The following HSF5 variants were observed in gnomAD, a reference collection of about 807,000 sequenced individuals.
HSF5 encodes the protein heat shock factor protein 5.
In HSF5, 5 loss-of-function variants were observed where a neutral mutation model predicts 50.8. That is an observed-to-expected ratio of 0.10 (90% CI 0.05 to 0.21). HSF5 has a LOEUF of 0.21. Ranked by LOEUF, HSF5 falls within the 10% of genes least tolerant of loss-of-function variation. The pLI, the probability that HSF5 is intolerant of heterozygous loss-of-function variation, is 1.00. For synonymous variants in HSF5, 307 were observed against 307.4 expected, an observed-to-expected ratio of 1.00 and a Z score of 0.02; for missense variants, 564 against 762.6, an observed-to-expected ratio of 0.74 and a Z score of 3.07.
At chr17:58,474,564 T>A (rs1258631981) in intron 2 of HSF5, among the ~76,000 whole-genome samples, 3 of 152,188 alleles carry the variant, frequency 2.0e-5, no homozygotes, top group African/African-American at 7.2e-5. Flanking sequence ...CAATTTATAA[T>A]TTACATCAAG....
chr17:58,436,178 G>A (rs1006362355), intron 5 of HSF5, among the ~76,000 whole-genome samples: 1 of 152,042 alleles, frequency 6.6e-6, no homozygotes, highest in Non-Finnish European at 1.5e-5. Flanking sequence ...TGTTTTTAAT[G>A]AGCAGTATAT....
Position 58,488,053 on chromosome 17 carries a change from G to A in HSF5, c.222C>T (p.Thr74=), listed in dbSNP as rs752111225. The A allele has an allele frequency of 2.2e-5, 36 of 1,600,778 alleles. No homozygotes were observed. Among genetic ancestry groups the A allele is most frequent in the Non-Finnish European group, 3.1e-5 (36 of 1,176,346 alleles). Residue 74 remains threonine (T), a synonymous_variant, in exon 1 of 6, where the codon ACC becomes ACT. Transcript: ENST00000323777. This position sits in a 1 kb window ranked among gnomAD's most constrained non-coding sequence, Gnocchi z 4.1. ...GGCGGATGAAGCTGGTGAAGCTGGT[G>A]GTTTTGAAGAGCTCGGGCTCGGCCC... is the stretch of plus-strand genomic sequence containing the variant. ...GAGAEPELFK[T]TSFTSFIRQL... is the part of the protein sequence containing the mutation.
intron 5 of HSF5, among the ~76,000 whole-genome samples, chr17:58,457,941 AG>A (rs1200238390): frequency 6.6e-6 from 1 of 152,246 alleles, no homozygotes; most frequent in African/African-American, 2.4e-5. Context: ...TATGAGTCTG[AG>A]CTACACCATG....
intron 5 of HSF5, among the ~76,000 whole-genome samples, chr17:58,449,806 G>A (rs1236736134): frequency 1.0e-4 from 15 of 149,794 alleles, no homozygotes; most frequent in South Asian, 2.1e-4. Flanking sequence ...GGCGGATCAC[G>A]AGGTCAGGAG....
chr17:58,450,953 G>A (rs998572060), intron 5 of HSF5, among the ~76,000 whole-genome samples: 2 of 151,718 alleles, frequency 1.3e-5, no homozygotes, highest in African/African-American at 4.8e-5. Context: ...GCCGGGCATG[G>A]TGGTGGGCGC....
At chr17:58,466,338 A>AATGATC (rs1458121819) in intron 3 of HSF5, among the ~76,000 whole-genome samples, 2 of 152,198 alleles carry the variant, frequency 1.3e-5, no homozygotes, top group Non-Finnish European at 2.9e-5. Context: ...ATCTTGGAAG[A>AATGATC]ATCTGTCATT....
At chr17:58,473,002 C>A (rs1974969658) in intron 2 of HSF5, among the ~76,000 whole-genome samples, 1 of 152,058 alleles carries the variant, frequency 6.6e-6, no homozygotes, top group South Asian at 2.1e-4. Flanking sequence ...CTCAAAAAAA[C>A]AAAGCAAAAA....
At chr17:58,439,813 T>A (rs1009404526) in intron 5 of HSF5, among the ~76,000 whole-genome samples, 2 of 152,162 alleles carry the variant, frequency 1.3e-5, no homozygotes, top group Admixed American at 1.3e-4. Flanking sequence ...GCCAAATTTT[T>A]AAAATTAAAC....
At chr17:58,451,186 ATAAT>A in intron 5 of HSF5, among the ~76,000 whole-genome samples, 1 of 152,350 alleles carries the variant, frequency 6.6e-6, no homozygotes, top group Non-Finnish European at 1.5e-5. Context: ...ACCTAAATAT[ATAAT>A]GCAAATATTA....
intron 5 of HSF5, among the ~76,000 whole-genome samples, chr17:58,441,504 T>A (rs1974497328): frequency 6.6e-6 from 1 of 151,618 alleles, no homozygotes; most frequent in South Asian, 2.1e-4. Context: ...AGAAAGGAAA[T>A]AATATAGATA....
At chr17:58,478,605 T>C (rs1975055793) in intron 2 of HSF5, among the ~76,000 whole-genome samples, 1 of 151,202 alleles carries the variant, frequency 6.6e-6, no homozygotes. Context: ...CTCACTCCCG[T>C]AATCCCAGCA....
chr17:58,426,832 G>C (rs1974301120), intron 5 of HSF5, among the ~76,000 whole-genome samples: 1 of 152,094 alleles, frequency 6.6e-6, no homozygotes, highest in South Asian at 2.1e-4. Flanking sequence ...CCTTAAGTCA[G>C]CATGTACTCA....
chr17:58,475,377 T>C lies in HSF5; in HGVS notation c.925+4516A>G, dbSNP rs1190825924. Among the ~76,000 whole-genome samples, 7 of 152,006 alleles carry C rather than the reference T, an allele frequency of 4.6e-5. No individual in the cohort carries two copies. In the East Asian group the frequency reaches 1.3e-3, roughly 29 times the overall value. Reference sequence around the variant, plus strand: ...ACTGAGCATCATCTTTCCTTTCCAGTGAAACAAAAAGAAAATTTAAAAATA... The same window carrying C: ...ACTGAGCATCATCTTTCCTTTCCAGCGAAACAAAAAGAAAATTTAAAAATA... On this transcript the variant is annotated intron_variant, in intron 2 of 5. Transcript: ENST00000323777.
chr17:58,455,974 C>T (rs1974705814), intron 5 of HSF5, among the ~76,000 whole-genome samples: 1 of 152,158 alleles, frequency 6.6e-6, no homozygotes, highest in Non-Finnish European at 1.5e-5. Context: ...AGCAGTCCCA[C>T]TACTGGATGT....
intron 1 of HSF5, among the ~76,000 whole-genome samples, chr17:58,484,205 G>GAA (rs555852057): frequency 1.7e-5 from 2 of 118,228 alleles, no homozygotes; most frequent in Non-Finnish European, 1.8e-5. Flanking sequence ...GAATGGTAAG[G>GAA]AAAAAAAAAA....
chr17:58,480,378 A>C (rs1975080396), intron 1 of HSF5, 111 bp from the exon 2 acceptor site: 4 of 1,029,802 alleles, frequency 3.9e-6, no homozygotes, highest in African/African-American at 2.0e-5. Context: ...TTTTTAACAC[A>C]ACAGAAGTTT....
At chr17:58,452,133 T>C (rs768628773) in intron 5 of HSF5, among the ~76,000 whole-genome samples, 1 of 151,478 alleles carries the variant, frequency 6.6e-6, no homozygotes, top group Non-Finnish European at 1.5e-5. Context: ...CGAGGAGTCC[T>C]AGCTACTCAG....
intron 1 of HSF5, among the ~76,000 whole-genome samples, chr17:58,483,116 A>AT (rs5821233): frequency 0.85 from 129,892 of 152,048 alleles, 55,865 homozygotes; most frequent in East Asian, 1. Context: ...GGATGCTCGC[A>AT]GTCAACACTA....
At position 58,480,150 on chromosome 17, in the gene HSF5, C is replaced by T. The variant is rs773183183; in HGVS notation, c.668G>A (p.Arg223Gln). 8 of 1,614,024 alleles carry T rather than the reference C, an allele frequency of 5.0e-6. No homozygotes were observed. The highest frequency in any genetic ancestry group is 2.7e-5 in the African/African-American group (2 of 74,900). The stretch of plus-strand genomic sequence containing the variant: ...CCATATTCTATGAGGAACTGGGGTC[C>T]GATCTAAACCTTTCAGAGGGTAAGT... ...HSTYPLKGLD[R>Q]TPVPHRIWQN... The change falls in exon 2 of 6, where the codon CGG (arginine) becomes CAG (glutamine). Residue 223 changes from arginine to glutamine, a missense_variant. Physicochemically the swap from Arg to Gln is conservative, Grantham distance 43. Transcript: ENST00000323777.
Sources: allele counts gnomAD v4.1 joint callset (sites outside exome capture counted in the v4.1 genomes callset), GRCh38; gene constraint gnomAD v4.1.1; non-coding constraint Gnocchi (gnomAD v3.1); transcripts MANE v1.5; gene names NCBI Gene and HGNC (gene_info 2026-07-23, HGNC 2026-07-21).